ENKUR: variants seen among roughly 807,000 people sequenced by gnomAD.
ENKUR encodes enkurin, TRPC channel interacting protein, also known as enkurin.
Under a neutral mutation model 27.6 loss-of-function variants are expected in ENKUR, and 19 were observed. The ratio of observed to expected loss-of-function variants is 0.69; its 90% CI spans 0.48 to 1.01. The LOEUF is 1.01. Ranked by LOEUF, ENKUR falls within the 50% of genes least tolerant of loss-of-function variation. The pLI, the probability that ENKUR is intolerant of heterozygous loss-of-function variation, is 0.00. For synonymous variants in ENKUR, 117 were observed against 96.9 expected (o/e 1.21, Z -1.22); for missense variants, 312 against 310.5 (o/e 1.00, Z -0.04).
upstream of ENKUR, among the ~76,000 whole-genome samples, chr10:25,018,718 G>T (rs1158544113): frequency 6.8e-6 from 1 of 147,600 alleles, no homozygotes; most frequent in Non-Finnish European, 1.5e-5. Context: ...GAATAAAATG[G>T]GTGTAGATGA....
intron 2 of ENKUR, among the ~76,000 whole-genome samples, chr10:25,053,155 T>A (rs1851207872): frequency 6.6e-6 from 1 of 152,182 alleles, no homozygotes; most frequent in Non-Finnish European, 1.5e-5. Flanking sequence ...TTTCATTTTT[T>A]AAATTTTATT....
chr10:24,996,403 C>T (rs763804881), intron 2 of ENKUR, among the ~76,000 whole-genome samples: 12 of 151,262 alleles, frequency 7.9e-5, no homozygotes, highest in African/African-American at 1.5e-4. Context: ...GCCTGGGTGA[C>T]GGAGTGAGAC....
chr10:25,045,094 A>G (rs546162895), intron 2 of ENKUR, among the ~76,000 whole-genome samples: 1 of 152,194 alleles, frequency 6.6e-6, no homozygotes, highest in Non-Finnish European at 1.5e-5. Flanking sequence ...GCCCTATTTC[A>G]AGGGTTGAAA....
chr10:25,050,089 C>G (rs2130484500), intron 2 of ENKUR, among the ~76,000 whole-genome samples: 1 of 152,150 alleles, frequency 6.6e-6, no homozygotes, highest in African/African-American at 2.4e-5. Context: ...ATGTCCCAGG[C>G]TTTTAGACAA....
chr10:25,023,371 C>G (rs778494897), intron 2 of ENKUR: 1 of 1,614,104 alleles, frequency 6.2e-7, no homozygotes, highest in East Asian at 2.2e-5. Flanking sequence ...GTATTCAACC[C>G]ACTCTCTTGT....
chr10:25,022,340 A>G (rs1850738350), intron 2 of ENKUR, among the ~76,000 whole-genome samples: 1 of 152,184 alleles, frequency 6.6e-6, no homozygotes, highest in Non-Finnish European at 1.5e-5. Flanking sequence ...GGGTCTGGAA[A>G]TTGAGTTAAA....
chr10:25,054,761 C>T (rs985457348), intron 2 of ENKUR, among the ~76,000 whole-genome samples: 1 of 151,386 alleles, frequency 6.6e-6, no homozygotes, highest in Non-Finnish European at 1.5e-5. Context: ...TGGCTCACTG[C>T]AGCCTCGACC....
chr10:24,994,000 A>T (rs1329424104), intron 3 of ENKUR, among the ~76,000 whole-genome samples: 1 of 152,096 alleles, frequency 6.6e-6, no homozygotes, highest in Non-Finnish European at 1.5e-5. Flanking sequence ...AACAGTTTCC[A>T]GGGGCCACAG....
At chr10:25,027,980 T>TGATA (rs1303826596) in intron 2 of ENKUR, among the ~76,000 whole-genome samples, 9 of 151,936 alleles carry the variant, frequency 5.9e-5, no homozygotes, top group African/African-American at 1.9e-4. Flanking sequence ...GAAAAATGAG[T>TGATA]GATAACAGCT....
intron 2 of ENKUR, among the ~76,000 whole-genome samples, chr10:25,054,500 T>TCTTC (rs1554774525): frequency 7.1e-6 from 1 of 140,804 alleles, no homozygotes; most frequent in African/African-American, 2.7e-5. Flanking sequence ...TTTCTTTCTT[T>TCTTC]CTTTCTTTCT....
intron 2 of ENKUR, among the ~76,000 whole-genome samples, chr10:25,046,030 T>A (rs1287745862): frequency 6.6e-6 from 1 of 152,246 alleles, no homozygotes; most frequent in African/African-American, 2.4e-5. Context: ...GGTTTAACAT[T>A]GATTAAAATC....
At chr10:25,037,932 G>T (rs1273794971) in intron 2 of ENKUR, among the ~76,000 whole-genome samples, 1 of 152,088 alleles carries the variant, frequency 6.6e-6, no homozygotes, top group Non-Finnish European at 1.5e-5. Flanking sequence ...TTCTTTAAAA[G>T]GGTAAATTCT....
At chr10:25,002,377 T>C (rs1471560346) in intron 1 of ENKUR, among the ~76,000 whole-genome samples, 1 of 152,224 alleles carries the variant, frequency 6.6e-6, no homozygotes, top group Non-Finnish European at 1.5e-5. Flanking sequence ...TTCTAGCAGC[T>C]TTGGCCTTTG....
At chr10:25,004,231 T>C (rs1038410145) in intron 1 of ENKUR, among the ~76,000 whole-genome samples, 13 of 152,212 alleles carry the variant, frequency 8.5e-5, no homozygotes, top group African/African-American at 3.1e-4. Flanking sequence ...AGTGCTGCAA[T>C]GAACCTAGGC....
intron 2 of ENKUR, among the ~76,000 whole-genome samples, chr10:25,043,741 T>C (rs1251090646): frequency 2.0e-5 from 3 of 152,202 alleles, no homozygotes; most frequent in Non-Finnish European, 4.4e-5. Context: ...CCATTTGGCA[T>C]TGTTCTAAGG....
At chr10:25,059,867 A>G (rs183453831) in intron 2 of ENKUR, among the ~76,000 whole-genome samples, 110 of 150,614 alleles carry the variant, frequency 7.3e-4, no homozygotes, top group African/African-American at 2.6e-3. Context: ...TTTAGTGGGG[A>G]TGGAAGGAGG....
chr10:24,988,028 C>G (rs1849816689), intron 4 of ENKUR, among the ~76,000 whole-genome samples: 1 of 151,840 alleles, frequency 6.6e-6, no homozygotes, highest in African/African-American at 2.4e-5. Flanking sequence ...TAAGACCAGC[C>G]TGGGCAACAC....
In ENKUR at chr10:24,982,609, T is replaced by C. The variant is rs888829121; in HGVS notation, c.*1761A>G. The stretch of plus-strand genomic sequence containing the variant: ...AGAATCTGATCAGTCACTGGTCAGC[T>C]GTCCAAGTCAGATGTTTGTCCCTCT... On this transcript the variant is annotated 3_prime_UTR_variant, in exon 6 of 6. Transcript: ENST00000331161. 7.2e-5 allele frequency: 11 copies of C among 152,234 alleles called. No individual in the cohort carries two copies. The highest frequency in any genetic ancestry group is 2.7e-4 in the African/African-American group (11 of 41,460). 9.4% of individuals were successfully genotyped at this position (152,234 alleles called of 1,614,324 possible).
chr10:24,983,578 GATACTC>G lies in ENKUR; in HGVS notation c.*786_*791del, dbSNP rs1209165406. On this transcript the variant is annotated 3_prime_UTR_variant, in exon 6 of 6. Transcript: ENST00000331161. Reference sequence around the variant, plus strand: ...TGCCCTAAGTTAATAAAGGAATAAAGATACTCATATGGACAAGTTTCAAGTGAATTT... The same window carrying G: ...TGCCCTAAGTTAATAAAGGAATAAAGATATGGACAAGTTTCAAGTGAATTT... 6.6e-6 allele frequency: 1 copy of G among 152,120 alleles called. No homozygotes were observed. The highest frequency in any genetic ancestry group is 2.4e-5 in the African/African-American group (1 of 41,418). The allele number at this position is 152,120 out of a possible 1,614,324, so 9.4% of individuals were successfully genotyped here. A position where few individuals can be genotyped will look rare whatever the true frequency, so the allele number is the denominator to read the frequency against.
Sources: gnomAD v4.1 joint callset for allele counts (sites outside exome capture counted in the v4.1 genomes callset) on GRCh38, gnomAD v4.1.1 for gene constraint, MANE v1.5 for transcripts, NCBI Gene and HGNC (gene_info 2026-07-23, HGNC 2026-07-21) for gene names.